Variants in PLCG2 observed in about 807,000 individuals in gnomAD.
PLCG2 encodes 1-phosphatidylinositol 4,5-bisphosphate phosphodiesterase gamma-2.
A neutral mutation model predicts 175.6 loss-of-function variants in PLCG2; 69 were observed. The ratio of observed to expected loss-of-function variants is 0.39; its 90% CI spans 0.32 to 0.48. The LOEUF is 0.48. Among genes scored for constraint, PLCG2 ranks in the 20% least tolerant of loss-of-function variants. The probability of loss-of-function intolerance (pLI) is 0.91; values close to 1 mark genes in which losing one functional copy is unlikely to be tolerated. For synonymous variants in PLCG2, 827 were observed against 624.0 expected, an observed-to-expected ratio of 1.33 and a Z score of -4.85; for missense variants, 1,798 against 1,650.9, an observed-to-expected ratio of 1.09 and a Z score of -1.54.
At chr16:81,778,217 G>C (rs1198794293), upstream of PLCG2, among the ~76,000 whole-genome samples, 1 of 151,916 alleles carries the variant, frequency 6.6e-6, no homozygotes, top group East Asian at 1.9e-4. Flanking sequence ...GTCGAAAAAA[G>C]AGAAAATTAG....
At chr16:81,891,329 G>C (rs1335685149) in intron 10 of PLCG2, 143 bp from the exon 11 acceptor site, 2 of 645,748 alleles carry the variant, frequency 3.1e-6, no homozygotes, top group Admixed American at 2.4e-5. Flanking sequence ...TATTGAAAAC[G>C]TGGGTAACTG....
At chr16:81,948,554 C>A (rs941825240) in intron 31 of PLCG2, among the ~76,000 whole-genome samples, 2 of 152,124 alleles carry the variant, frequency 1.3e-5, no homozygotes, top group Non-Finnish European at 2.9e-5. Flanking sequence ...TAAGGCTTAT[C>A]CTAGAGCAGA....
intron 1 of PLCG2, among the ~76,000 whole-genome samples, chr16:81,747,492 G>GC (rs1482477254): frequency 6.6e-6 from 1 of 152,116 alleles, no homozygotes; most frequent in Admixed American, 6.6e-5. Context: ...GTGAGATTGT[G>GC]CCCCTGCACT....
intron 30 of PLCG2, among the ~76,000 whole-genome samples, chr16:81,940,585 A>C (rs2143738978): frequency 6.6e-6 from 1 of 152,286 alleles, no homozygotes; most frequent in Non-Finnish European, 1.5e-5. Flanking sequence ...TGCTGAAGAA[A>C]ACACAAGATC....
At chr16:81,875,879 G>C (rs564910538) in intron 7 of PLCG2, among the ~76,000 whole-genome samples, 1 of 152,306 alleles carries the variant, frequency 6.6e-6, no homozygotes, top group Admixed American at 6.5e-5. Context: ...GGGGAAGTGA[G>C]TGATGAGCGT....
intron 2 of PLCG2, among the ~76,000 whole-genome samples, chr16:81,773,868 G>A (rs1910335295): frequency 6.6e-6 from 1 of 152,090 alleles, no homozygotes; most frequent in Non-Finnish European, 1.5e-5. Flanking sequence ...TCACTCCAAA[G>A]CCCCCTTTTT....
intron 8 of PLCG2, among the ~76,000 whole-genome samples, chr16:81,881,556 G>A (rs1908080368): frequency 6.6e-6 from 1 of 152,222 alleles, no homozygotes; most frequent in Admixed American, 6.5e-5. Flanking sequence ...CGTTGATCCA[G>A]TCTTTATCGG....
chr16:81,955,571 G>T (rs1026860469), intron 31 of PLCG2, among the ~76,000 whole-genome samples: 1 of 152,192 alleles, frequency 6.6e-6, no homozygotes, highest in Admixed American at 6.5e-5. Flanking sequence ...AAGTTTAGGG[G>T]TAGGTCTTGT....
intron 19 of PLCG2, among the ~76,000 whole-genome samples, chr16:81,919,150 G>A (rs1909959702): frequency 1.3e-5 from 2 of 152,176 alleles, no homozygotes; most frequent in South Asian, 4.1e-4. Flanking sequence ...TATAAAAGCA[G>A]GTGGTGGGAC....
chr16:81,940,168 C>A, intron 30 of PLCG2, 109 bp downstream of exon 30: 2 of 962,814 alleles, frequency 2.1e-6, no homozygotes, highest in Non-Finnish European at 3.2e-6. Context: ...TGGATGGAAT[C>A]ACTGTAAAAC....
At position 81,779,430 on chromosome 16, in the gene PLCG2, C is replaced by G. The variant is rs1910628545; in HGVS notation, c.-48+6C>G. 6.6e-6 allele frequency: 1 copy of G among 151,250 alleles called. No individual in the cohort carries two copies. Among genetic ancestry groups the G allele is most frequent in the South Asian group, 2.1e-4 (1 of 4,822 alleles). The allele number at this position is 151,250 out of a possible 1,614,324, so 9.4% of individuals were successfully genotyped here. On this transcript the variant is annotated splice_donor_region_variant and intron_variant, in intron 1 of 32. Transcript: ENST00000564138. ...TGCCCGGGCGGCACGGCCAGGTGAG[C>G]TGCCCGGCCGGGAGCGAGGCAGGCA...
At chr16:81,920,816 T>G (rs995321946) in intron 20 of PLCG2, among the ~76,000 whole-genome samples, 1 of 152,060 alleles carries the variant, frequency 6.6e-6, no homozygotes, top group Non-Finnish European at 1.5e-5. Flanking sequence ...TCCATGGAGG[T>G]CAGTTTCAAG....
chr16:81,899,804 A>G (rs1909066272), intron 13 of PLCG2, among the ~76,000 whole-genome samples: 1 of 152,244 alleles, frequency 6.6e-6, no homozygotes, highest in African/African-American at 2.4e-5. Flanking sequence ...CTGTGAGCCC[A>G]GTGTCAGTCA....
intron 2 of PLCG2, among the ~76,000 whole-genome samples, chr16:81,830,314 C>CT (rs972067811): frequency 4.6e-5 from 7 of 151,986 alleles, no homozygotes; most frequent in Admixed American, 4.6e-4. Context: ...TTTTCTTCTT[C>CT]TTTTTTCTTG....
intron 9 of PLCG2, among the ~76,000 whole-genome samples, chr16:81,888,615 C>T (rs1908487080): frequency 6.6e-6 from 1 of 152,188 alleles, no homozygotes; most frequent in Non-Finnish European, 1.5e-5. Flanking sequence ...GGTAGATACT[C>T]TTATTCCCAC....
intron 19 of PLCG2, among the ~76,000 whole-genome samples, chr16:81,914,680 C>T (rs551795065): frequency 1.5e-4 from 23 of 152,336 alleles, no homozygotes; most frequent in African/African-American, 5.1e-4. Context: ...AGTCCTTGCT[C>T]TCTCAGGCTA....
chr16:81,905,344 C>A, intron 14 of PLCG2, 59 bp from the exon 15 acceptor site: 1 of 1,197,600 alleles, frequency 8.4e-7, no homozygotes, highest in Non-Finnish European at 1.2e-6. Context: ...AGGCTGCTGG[C>A]TCAAAGGCCT....
chr16:81,911,790 C>CTT (rs35027472), intron 18 of PLCG2, among the ~76,000 whole-genome samples: 7,367 of 67,120 alleles, frequency 0.11, 518 homozygotes, highest in African/African-American at 0.23. Flanking sequence ...TTTGTATTTC[C>CTT]TTTTTTTTTT....
intron 2 of PLCG2, among the ~76,000 whole-genome samples, chr16:81,843,072 C>T (rs942719282): frequency 2.6e-5 from 4 of 152,072 alleles, no homozygotes; most frequent in Non-Finnish European, 5.9e-5. Context: ...AGCCTCATTT[C>T]TGTGGCTGGG....
Sources: allele counts gnomAD v4.1 joint callset (sites outside exome capture counted in the v4.1 genomes callset), GRCh38; gene constraint gnomAD v4.1.1; transcripts MANE v1.5; gene names NCBI Gene and HGNC (gene_info 2026-07-23, HGNC 2026-07-21).